KIF16B: variants seen among roughly 807,000 people sequenced by gnomAD.
The protein encoded by KIF16B is kinesin family member 16B, also known as kinesin-like protein KIF16B.
KIF16B carries 98 observed loss-of-function variants against 156.3 expected under a neutral mutation model. The observed-to-expected ratio is 0.63, with a 90% CI of 0.53 to 0.74. KIF16B has a LOEUF of 0.74. KIF16B is among the 30% of genes least tolerant of loss of function. The pLI, the probability that KIF16B is intolerant of heterozygous loss-of-function variation, is 0.00. For missense variants in KIF16B, 1,421 were observed against 1,606.5 expected (o/e 0.88, Z 1.97); for synonymous variants, 564 against 583.7 (o/e 0.97, Z 0.49).
In KIF16B at chr20:16,511,460, A is replaced by T. The variant is rs148533215; in HGVS notation, c.514T>A (p.Leu172Met). The T allele has an allele frequency of 1.6e-5, 26 of 1,612,726 alleles. No individual in the cohort carries two copies. Among genetic ancestry groups the T allele is most frequent in the Non-Finnish European group, 2.2e-5 (26 of 1,179,130 alleles). The change falls in exon 6 of 26, where the codon TTG becomes ATG. Residue 172 changes from leucine to methionine, a missense_variant. Physicochemically the swap from Leu to Met is conservative, Grantham distance 15. Coordinates refer to ENST00000354981, the MANE Select transcript of KIF16B (RefSeq NM_024704.5). ...TCTTTGGGATGCTCACGGACTCTCA[A>T]ATTGAAGGTTTTAGATGACTTCCGC... ...LRRKSSKTFNLRVREHPKEGP... is the reference protein window; with the variant it reads ...LRRKSSKTFNMRVREHPKEGP...
intron 17 of KIF16B, among the ~76,000 whole-genome samples, chr20:16,396,929 C>T (rs2065522411): frequency 1.3e-5 from 2 of 151,960 alleles, no homozygotes; most frequent in Non-Finnish European, 2.9e-5. Context: ...GGTTTGAAAG[C>T]TAGAATTTAA....
intron 12 of KIF16B, among the ~76,000 whole-genome samples, chr20:16,485,516 T>C (rs181495148): frequency 6.6e-6 from 1 of 152,290 alleles, no homozygotes; most frequent in Admixed American, 6.5e-5. Flanking sequence ...TAAAGGAATT[T>C]ATAATTTAAC....
intron 24 of KIF16B, among the ~76,000 whole-genome samples, chr20:16,318,006 A>G (rs560479227): frequency 1.3e-5 from 2 of 152,260 alleles, no homozygotes; most frequent in East Asian, 3.9e-4. Context: ...AAAACAAGAG[A>G]AGATGTGTCT....
intron 19 of KIF16B, among the ~76,000 whole-genome samples, chr20:16,377,308 C>T (rs912467313): frequency 1.3e-5 from 2 of 151,892 alleles, no homozygotes; most frequent in African/African-American, 4.8e-5. Context: ...GACTATAATC[C>T]CGGCACTTTA....
chr20:16,557,135 T>C (rs1402181462), intron 1 of KIF16B, among the ~76,000 whole-genome samples: 1 of 135,716 alleles, frequency 7.4e-6, no homozygotes, highest in East Asian at 2.0e-4. Flanking sequence ...ATTAATACTA[T>C]ATATATTAAT....
intron 25 of KIF16B, among the ~76,000 whole-genome samples, chr20:16,301,824 A>G (rs1021176638): frequency 1.3e-5 from 2 of 151,876 alleles, no homozygotes; most frequent in African/African-American, 4.8e-5. Context: ...TAATTTTTGT[A>G]TTTTTAGTAG....
chr20:16,482,218 AC>A (rs2068002216), intron 12 of KIF16B, among the ~76,000 whole-genome samples: 1 of 151,954 alleles, frequency 6.6e-6, no homozygotes, highest in Non-Finnish European at 1.5e-5. Context: ...TCTGATCCTT[AC>A]AGATACAAAC....
intron 22 of KIF16B, among the ~76,000 whole-genome samples, chr20:16,359,586 T>C (rs1404268893): frequency 6.8e-6 from 1 of 147,224 alleles, no homozygotes; most frequent in Non-Finnish European, 1.5e-5. Flanking sequence ...TTTCTAAGAA[T>C]GTACCAGGGT....
chr20:16,293,711 G>C (rs895686647), intron 25 of KIF16B, among the ~76,000 whole-genome samples: 3 of 152,174 alleles, frequency 2.0e-5, no homozygotes, highest in African/African-American at 7.2e-5. Context: ...GGTTCCAGGG[G>C]AGGTTTCTGC....
At chr20:16,566,100 T>C (rs1178924523) in intron 1 of KIF16B, among the ~76,000 whole-genome samples, 1 of 152,260 alleles carries the variant, frequency 6.6e-6, no homozygotes, top group Non-Finnish European at 1.5e-5. Flanking sequence ...AACACATACG[T>C]TTCATAAGCA....
intron 12 of KIF16B, among the ~76,000 whole-genome samples, chr20:16,481,236 G>A (rs973287698): frequency 1.3e-4 from 19 of 151,846 alleles, no homozygotes; most frequent in African/African-American, 3.9e-4. Flanking sequence ...TCACTCTGTC[G>A]CCCTGGCTGG....
chr20:16,548,348 C>T (rs1044925472), intron 1 of KIF16B, among the ~76,000 whole-genome samples: 1 of 152,198 alleles, frequency 6.6e-6, no homozygotes. Context: ...CCAGCCCAGG[C>T]TGCAGAAGCT....
chr20:16,337,382 G>T (rs955686339), intron 23 of KIF16B, among the ~76,000 whole-genome samples: 15 of 152,118 alleles, frequency 9.9e-5, no homozygotes, highest in African/African-American at 3.1e-4. Context: ...TCTTTCATTC[G>T]CTCACTTCCC....
At chr20:16,320,933 G>A (rs2063763700) in intron 24 of KIF16B, among the ~76,000 whole-genome samples, 1 of 152,120 alleles carries the variant, frequency 6.6e-6, no homozygotes, top group South Asian at 2.1e-4. Context: ...AATATATCAT[G>A]TGGTGAAGAA....
In KIF16B at chr20:16,382,063, G is replaced by A. The variant is rs549986881; in HGVS notation, c.1785-316C>T. ...AAGCACGTCTACTCCATGCAGCTTA[G>A]CACTGATGAGTATATAAAAATGGAG... On this transcript the variant is annotated intron_variant, in intron 17 of 25. Transcript: ENST00000354981. The A allele has an allele frequency of 1.0e-5, 13 of 1,283,360 alleles. No homozygotes were observed. The South Asian group carries it at 1.4e-4, about 14-fold the overall frequency. The allele number at this position is 1,283,360 out of a possible 1,614,324, so 79.5% of individuals were successfully genotyped here. A position where few individuals can be genotyped will look rare whatever the true frequency, so the allele number is the denominator to read the frequency against.
chr20:16,349,598 T>C (rs573981097), intron 23 of KIF16B, among the ~76,000 whole-genome samples: 3 of 152,308 alleles, frequency 2.0e-5, no homozygotes, highest in African/African-American at 4.8e-5. Context: ...TGACAATTCA[T>C]GCAAAATTTA....
intron 1 of KIF16B, among the ~76,000 whole-genome samples, chr20:16,529,182 GA>G: frequency 6.6e-6 from 1 of 152,112 alleles, no homozygotes; most frequent in East Asian, 1.9e-4. Flanking sequence ...GGCTACCTAG[GA>G]AAAAAAGGGA....
chr20:16,537,270 T>A (rs2070006785), intron 1 of KIF16B, among the ~76,000 whole-genome samples: 1 of 152,128 alleles, frequency 6.6e-6, no homozygotes, highest in South Asian at 2.1e-4. Flanking sequence ...CAGCACTATA[T>A]CCTGCCCCAT....
intron 1 of KIF16B, among the ~76,000 whole-genome samples, chr20:16,546,643 C>G (rs1568670158): frequency 6.6e-6 from 1 of 152,206 alleles, no homozygotes; most frequent in Non-Finnish European, 1.5e-5. Context: ...CACCACACAG[C>G]TGACTTTGTA....
Sources: allele counts gnomAD v4.1 joint callset (sites outside exome capture counted in the v4.1 genomes callset), GRCh38; gene constraint gnomAD v4.1.1; transcripts MANE v1.5; gene names NCBI Gene and HGNC (gene_info 2026-07-23, HGNC 2026-07-21).